The following DOT1L variants were observed in gnomAD, a reference collection of about 807,000 sequenced individuals.
DOT1L encodes the protein DOT1 like histone lysine methyltransferase.
A neutral mutation model predicts 153.3 loss-of-function variants in DOT1L; 33 were observed. That is an observed-to-expected ratio of 0.22 (90% CI 0.16 to 0.29). DOT1L has a LOEUF of 0.29. DOT1L is among the 10% of genes least tolerant of loss of function. The probability of loss-of-function intolerance (pLI) is 1.00; values close to 1 mark genes in which losing one functional copy is unlikely to be tolerated. For missense variants in DOT1L, 1,847 were observed against 2,119.9 expected (o/e 0.87, Z 2.53); for synonymous variants, 1,135 against 965.1 (o/e 1.18, Z -3.26).
rs144604037 is a variant in DOT1L at position 2,215,939 on chromosome 19, G to A, written c.1924-342G>A. On this transcript the variant is annotated intron_variant, in intron 19 of 27. Coordinates refer to ENST00000398665, the MANE Select transcript of DOT1L (RefSeq NM_032482.3). Reference sequence around the variant, plus strand: ...ACTCAGCGCCCGGGGAAGCTGCCACGCTCGAGTGGCGTGTCCCTCCACAGG... The same window carrying A: ...ACTCAGCGCCCGGGGAAGCTGCCACACTCGAGTGGCGTGTCCCTCCACAGG... 1.6e-4 allele frequency: 36 copies of A among 223,284 alleles called. 1 individual carries two copies. Among genetic ancestry groups the A allele is most frequent in the African/African-American group, 7.9e-4 (35 of 44,102 alleles). 13.8% of individuals were successfully genotyped at this position (223,284 alleles called of 1,614,324 possible).
At chr19:2,168,231 G>A (rs1446664872) in intron 1 of DOT1L, among the ~76,000 whole-genome samples, 1 of 152,220 alleles carries the variant, frequency 6.6e-6, no homozygotes, top group Non-Finnish European at 1.5e-5. Context: ...ACTTTGGGAA[G>A]CCCAGGCGGG....
At position 2,226,745 on chromosome 19, in the gene DOT1L, C is replaced by A; in HGVS notation, c.4224C>A (p.Gly1408=). 6.4e-7 allele frequency: 1 copy of A among 1,555,846 alleles called. No homozygotes were observed. Among genetic ancestry groups the A allele is most frequent in the South Asian group, 1.2e-5 (1 of 83,036 alleles). ...GPTDKTPLLS[G]KAAKARDREV... ...CGGACAAGACCCCACTGCTGAGCGGCAAGGCCGCCAAGGCCCGGGACCGCG... is the reference window on the plus strand; with the variant it reads ...CGGACAAGACCCCACTGCTGAGCGGAAAGGCCGCCAAGGCCCGGGACCGCG... Residue 1408 remains glycine, a synonymous_variant, in exon 27 of 28, where the codon GGC becomes GGA. Transcript: ENST00000398665.
intron 8 of DOT1L, 96 bp from the exon 9 acceptor site, chr19:2,202,604 G>T: frequency 7.9e-7 from 1 of 1,269,680 alleles, no homozygotes; most frequent in Non-Finnish European, 1.1e-6. Context: ...GGTGTGGGCA[G>T]GGCCTAGCAC....
At chr19:2,211,918 T>G (rs576256652) in intron 16 of DOT1L, 76 bp downstream of exon 16, 7 of 1,388,310 alleles carry the variant, frequency 5.0e-6, no homozygotes, top group Non-Finnish European at 6.8e-6. Flanking sequence ...ATCTGTCCCC[T>G]GTGGCAGAGG....
intron 3 of DOT1L, among the ~76,000 whole-genome samples, chr19:2,186,828 C>A (rs184449068): frequency 9.2e-5 from 14 of 152,358 alleles, no homozygotes; most frequent in Admixed American, 9.1e-4. Context: ...CATGTCGGGG[C>A]CTCTCGCCAC....
rs754523759 is a variant in DOT1L, at chr19:2,227,054, G to T, written c.4533G>T (p.Ser1511=). 8.9e-6 allele frequency: 14 copies of T among 1,574,298 alleles called. No individual in the cohort carries two copies. Among genetic ancestry groups the T allele is most frequent in the South Asian group, 6.8e-5 (6 of 88,310 alleles). ...CCGCCGCAGGCCTGGTGCACGTGTC[G>T]TCCGCTGCCACCAGACTGACCAACT... ...VPAAAGLVHV[S]SAATRLTNSH... The change falls in exon 27 of 28, where the codon TCG becomes TCT. Residue 1511 remains serine (S), a synonymous_variant. Coordinates refer to ENST00000398665, the MANE Select transcript of DOT1L (RefSeq NM_032482.3).
chr19:2,200,637 T>A (rs2023217439), intron 8 of DOT1L, among the ~76,000 whole-genome samples: 1 of 152,062 alleles, frequency 6.6e-6, no homozygotes, highest in African/African-American at 2.4e-5. Context: ...GCTCCCCCAG[T>A]CCCGCCATCC....
Position 2,230,572 on chromosome 19 carries a change from C to G in DOT1L, c.*780C>G, listed in dbSNP as rs2024557700. 5 of 398,616 alleles carry G rather than the reference C, an allele frequency of 1.3e-5. No homozygotes were observed. The highest frequency in any genetic ancestry group is 2.2e-5 in the Non-Finnish European group (5 of 226,124). 24.7% of individuals were successfully genotyped at this position (398,616 alleles called of 1,614,324 possible). A position where few individuals can be genotyped will look rare whatever the true frequency, so the allele number is the denominator to read the frequency against. Reference sequence around the variant, plus strand: ...GGCTGTCCATGGCTCGCAGCATGCCCTGCGATGCGGGGCAGGCCTGTCGTG... The same window carrying G: ...GGCTGTCCATGGCTCGCAGCATGCCGTGCGATGCGGGGCAGGCCTGTCGTG... On this transcript the variant is annotated 3_prime_UTR_variant, in exon 28 of 28. Coordinates refer to ENST00000398665, the MANE Select transcript of DOT1L (RefSeq NM_032482.3).
At position 2,191,362 on chromosome 19, in the gene DOT1L, C is replaced by G. The variant is rs1049759208; in HGVS notation, c.493+122C>G. 9 of 1,018,820 alleles carry G rather than the reference C, an allele frequency of 8.8e-6. No individual in the cohort carries two copies. Among genetic ancestry groups the G allele is most frequent in the Admixed American group, 2.0e-5 (1 of 49,644 alleles). The allele number at this position is 1,018,820 out of a possible 1,614,324, so 63.1% of individuals were successfully genotyped here. A position where few individuals can be genotyped will look rare whatever the true frequency, so the allele number is the denominator to read the frequency against. On this transcript the variant is annotated intron_variant, in intron 5 of 27. Coordinates refer to ENST00000398665, the MANE Select transcript of DOT1L (RefSeq NM_032482.3). This position sits in a 1 kb window ranked among gnomAD's most constrained non-coding sequence, Gnocchi z 6.8. ...TGCGACGTTGGCGTGGACAGTGCTTCCTTCTCCCAGCGCCTCTGTCCCGCT... is the reference window on the plus strand; with the variant it reads ...TGCGACGTTGGCGTGGACAGTGCTTGCTTCTCCCAGCGCCTCTGTCCCGCT...
At position 2,217,813 on chromosome 19, in the gene DOT1L, C is replaced by G; in HGVS notation, c.2586C>G (p.Ile862Met). ...ERAYGSSGELITSLPISIPLS... is the reference protein window; with the variant it reads ...ERAYGSSGELMTSLPISIPLS... Reference sequence around the variant, plus strand: ...CCTACGGCAGCAGCGGGGAGCTCATCACCAGCCTGCCCATCAGCATCCCGC... The same window carrying G: ...CCTACGGCAGCAGCGGGGAGCTCATGACCAGCCTGCCCATCAGCATCCCGC... The change falls in exon 22 of 28, where the codon ATC becomes ATG. Residue 862 changes from isoleucine to methionine, a missense_variant. Physicochemically the swap from Ile to Met is conservative, Grantham distance 10. Around this residue, in one of 8 missense-constraint regions of DOT1L, gnomAD observed 18 missense variants for 58.1 expected, o/e 0.31. Transcript: ENST00000398665. This position sits in a 1 kb window ranked among gnomAD's most constrained non-coding sequence, Gnocchi z 7.3. The G allele has an allele frequency of 6.2e-7, 1 of 1,607,292 alleles. No individual in the cohort carries two copies. The highest frequency in any genetic ancestry group is 8.5e-7 in the Non-Finnish European group (1 of 1,177,708).
At chr19:2,196,302 A>G (rs2023017486) in intron 7 of DOT1L, among the ~76,000 whole-genome samples, 1 of 152,146 alleles carries the variant, frequency 6.6e-6, no homozygotes, top group African/African-American at 2.4e-5. Context: ...AACCTTTTGG[A>G]GGATCACTTG....
At position 2,204,542 on chromosome 19, in the gene DOT1L, C is replaced by T. The variant is rs563201722; in HGVS notation, c.787+1763C>T. 3.9e-5 allele frequency among the ~76,000 whole-genome samples: 6 copies of T among 152,304 alleles called. No homozygotes were observed. In the South Asian group the frequency reaches 6.2e-4, roughly 16 times the overall value. ...CTCCTGTCACCCCCTCCATGGTCCT[C>T]GTACCCGCTGCCCTAGAACGCCTCT... On this transcript the variant is annotated intron_variant, in intron 9 of 27. Transcript: ENST00000398665. The surrounding 1 kb of genome is among the most constrained non-coding windows in gnomAD (Gnocchi z 5.7).
chr19:2,223,166 AG>A lies in DOT1L; in HGVS notation c.3391-114del, dbSNP rs1236257137. On this transcript the variant is annotated intron_variant, in intron 24 of 27. Transcript: ENST00000398665. The stretch of plus-strand genomic sequence containing the variant: ...TGTACTGGCCGCTGGGCAGGGCATC[AG>A]TTTCCTCAGGAGACCCTGGGGTGCA... 1.2e-5 allele frequency: 13 copies of A among 1,124,868 alleles called. No homozygotes were observed. The East Asian group carries it at 3.1e-4, about 27-fold the overall frequency. 69.7% of individuals were successfully genotyped at this position (1,124,868 alleles called of 1,614,324 possible).
At chr19:2,223,585 A>T (rs2024214421) in intron 25 of DOT1L, 99 bp downstream of exon 25, 2 of 1,144,320 alleles carry the variant, frequency 1.7e-6, no homozygotes, top group Admixed American at 2.4e-5. Context: ...GAGGACCGGC[A>T]GGCTCTTAGG....
At chr19:2,192,381 G>A (rs978955174) in intron 5 of DOT1L, among the ~76,000 whole-genome samples, 1 of 152,198 alleles carries the variant, frequency 6.6e-6, no homozygotes, top group Non-Finnish European at 1.5e-5. Flanking sequence ...AAAAGAATGT[G>A]TATCGTCTGG....
At chr19:2,228,561 C>T in intron 27 of DOT1L, 1 of 985,348 alleles carries the variant, frequency 1.0e-6, no homozygotes, top group Non-Finnish European at 1.2e-6. Context: ...GGGCACCAGC[C>T]ATGGAGTGGC....
chr19:2,223,509 G>C, intron 25 of DOT1L, 23 bp downstream of exon 25: 1 of 1,579,442 alleles, frequency 6.3e-7, no homozygotes, highest in Non-Finnish European at 8.6e-7. Flanking sequence ...GCCCGGAGGG[G>C]GGCGGGGCCT....
rs905539824 is a variant in DOT1L at position 2,204,680 on chromosome 19, G to A, written c.787+1901G>A. On this transcript the variant is annotated intron_variant, in intron 9 of 27. Transcript: ENST00000398665. The surrounding 1 kb of genome is among the most constrained non-coding windows in gnomAD (Gnocchi z 5.7). ...CCCTGTTTTGAACATGTCCAGTGAAGGGCAGGTGGCCAGTAGTGCTGATTC... is the reference window on the plus strand; with the variant it reads ...CCCTGTTTTGAACATGTCCAGTGAAAGGCAGGTGGCCAGTAGTGCTGATTC... 6.6e-6 allele frequency among the ~76,000 whole-genome samples: 1 copy of A among 152,232 alleles called. No individual in the cohort carries two copies. Among genetic ancestry groups the A allele is most frequent in the Admixed American group, 6.5e-5 (1 of 15,288 alleles).
intron 1 of DOT1L, among the ~76,000 whole-genome samples, chr19:2,175,490 T>C (rs547469346): frequency 2.6e-5 from 4 of 152,250 alleles, no homozygotes; most frequent in African/African-American, 9.6e-5. Context: ...TCATAACTTA[T>C]TTAACCAAGT....
Sources: gnomAD v4.1 joint callset for allele counts (sites outside exome capture counted in the v4.1 genomes callset) on GRCh38, gnomAD v4.1.1 for gene constraint, gnomAD v4.1.1 regional missense constraint, Gnocchi (gnomAD v3.1) non-coding constraint, MANE v1.5 for transcripts, NCBI Gene and HGNC (gene_info 2026-07-23, HGNC 2026-07-21) for gene names.